COL5A2: variants seen among roughly 807,000 people sequenced by gnomAD.
COL5A2 encodes collagen alpha-2(V) chain.
COL5A2 carries 23 observed loss-of-function variants against 208.2 expected under a neutral mutation model. The observed-to-expected ratio is 0.11, with a 90% CI of 0.08 to 0.16. The LOEUF (loss-of-function observed/expected upper bound fraction) is 0.16. COL5A2 is among the 10% of genes least tolerant of loss of function. The pLI, the probability that COL5A2 is intolerant of heterozygous loss-of-function variation, is 1.00. For synonymous variants in COL5A2, 625 were observed against 628.5 expected, an observed-to-expected ratio of 0.99 and a Z score of 0.08; for missense variants, 1,590 against 1,956.4, an observed-to-expected ratio of 0.81 and a Z score of 3.53.
chr2:189,114,137 T>C (rs769158141), intron 1 of COL5A2, among the ~76,000 whole-genome samples: 11 of 152,190 alleles, frequency 7.2e-5, no homozygotes, highest in Non-Finnish European at 1.3e-4. Context: ...GGAAAGTTAG[T>C]TGGAATGCTT....
At chr2:189,282,155 C>G in the COL5A2 span, among the ~76,000 whole-genome samples, 1 of 152,066 alleles carries the variant, frequency 6.6e-6, no homozygotes, top group Non-Finnish European at 1.5e-5. Context: ...CACTGTACTC[C>G]AGCCTGGGCA....
At chr2:189,372,520 A>G in the COL5A2 span, among the ~76,000 whole-genome samples, 1 of 152,308 alleles carries the variant, frequency 6.6e-6, no homozygotes, top group Admixed American at 6.5e-5. Context: ...TACATATAAA[A>G]CATTAAAAAT....
chr2:189,233,935 G>A, the COL5A2 span, among the ~76,000 whole-genome samples: 1 of 151,638 alleles, frequency 6.6e-6, no homozygotes, highest in Non-Finnish European at 1.5e-5. Flanking sequence ...AAGTCAAGGA[G>A]CATATGCATT....
the COL5A2 span, among the ~76,000 whole-genome samples, chr2:189,272,078 T>A: frequency 6.6e-6 from 1 of 152,156 alleles, no homozygotes; most frequent in Non-Finnish European, 1.5e-5. Context: ...GTAAATTAGT[T>A]CAACCATTGT....
chr2:189,058,351 G>T, intron 33 of COL5A2, 78 bp downstream of exon 33: 2 of 1,093,500 alleles, frequency 1.8e-6, no homozygotes, highest in Non-Finnish European at 2.8e-6. Context: ...CAAGACAAAT[G>T]CATTCTCACA....
chr2:189,265,362 G>T, the COL5A2 span, among the ~76,000 whole-genome samples: 1 of 152,086 alleles, frequency 6.6e-6, no homozygotes, highest in African/African-American at 2.4e-5. Context: ...AGGGTCAAAG[G>T]AGCCCCCTTC....
At chr2:189,244,021 C>T in the COL5A2 span, among the ~76,000 whole-genome samples, 1 of 152,194 alleles carries the variant, frequency 6.6e-6, no homozygotes, top group Non-Finnish European at 1.5e-5. Flanking sequence ...CACCAAGTCC[C>T]TAGGCTGCAC....
chr2:189,067,021 T>C (rs1427064110), intron 21 of COL5A2, among the ~76,000 whole-genome samples: 1 of 152,202 alleles, frequency 6.6e-6, no homozygotes, highest in Non-Finnish European at 1.5e-5. Flanking sequence ...AGAGATTTAT[T>C]TTTAAAATCA....
At chr2:189,162,453 A>C (rs1688385875) in intron 1 of COL5A2, among the ~76,000 whole-genome samples, 1 of 152,224 alleles carries the variant, frequency 6.6e-6, no homozygotes, top group African/African-American at 2.4e-5. Flanking sequence ...AATCATCCAA[A>C]GCAAATTCTA....
the COL5A2 span, among the ~76,000 whole-genome samples, chr2:189,382,073 C>T: frequency 0.044 from 6,631 of 152,194 alleles, 177 homozygotes; most frequent in African/African-American, 0.064. Flanking sequence ...ATCCATTAAA[C>T]TTACAACTTG....
the COL5A2 span, among the ~76,000 whole-genome samples, chr2:189,371,818 T>C: frequency 6.6e-6 from 1 of 152,200 alleles, no homozygotes; most frequent in Non-Finnish European, 1.5e-5. Flanking sequence ...AGCCTGGCTA[T>C]GTGGCAGAAA....
At chr2:189,167,852 C>T (rs10497699) in intron 1 of COL5A2, among the ~76,000 whole-genome samples, 22,630 of 151,824 alleles carry the variant, frequency 0.15, 2,024 homozygotes, top group Non-Finnish European at 0.2. Context: ...CACTGTAGCA[C>T]CTTAAAGGCT....
At chr2:189,404,754 G>T in the COL5A2 span, among the ~76,000 whole-genome samples, 1 of 152,128 alleles carries the variant, frequency 6.6e-6, no homozygotes, top group African/African-American at 2.4e-5. Flanking sequence ...AAATTATACA[G>T]GACTCATACA....
At chr2:189,437,032 A>G in the COL5A2 span, among the ~76,000 whole-genome samples, 1 of 151,482 alleles carries the variant, frequency 6.6e-6, no homozygotes. Flanking sequence ...TTAAAAAAAA[A>G]GAGAGAGAGA....
intron 1 of COL5A2, among the ~76,000 whole-genome samples, chr2:189,128,224 C>T (rs1283414395): frequency 6.6e-6 from 1 of 151,932 alleles, no homozygotes; most frequent in Non-Finnish European, 1.5e-5. Flanking sequence ...TGTTTTGTGA[C>T]TTCTGCCAAT....
the COL5A2 span, among the ~76,000 whole-genome samples, chr2:189,339,779 A>G: frequency 6.6e-6 from 1 of 152,128 alleles, no homozygotes; most frequent in African/African-American, 2.4e-5. Flanking sequence ...CTGACATCTC[A>G]TTGTCCAGAT....
chr2:189,185,302 C>T (rs1049892567), intron 1 of COL5A2, among the ~76,000 whole-genome samples: 7 of 152,172 alleles, frequency 4.6e-5, no homozygotes, highest in African/African-American at 9.7e-5. Flanking sequence ...GGATTACAGG[C>T]GTGAGCCCAG....
At position 189,060,731 on chromosome 2, in the gene COL5A2, T is replaced by A; in HGVS notation, c.2084A>T (p.Gln695Leu). The change falls in exon 31 of 54, where the codon CAA (glutamine) becomes CTA (leucine). Residue 695 changes from glutamine to leucine, a missense_variant and splice_region_variant. Transcript: ENST00000374866. ...CATTATTATTATTTAAACACTTACT[T>A]GATCACCTGGTTTTCCACCTTCTCC... is the stretch of plus-strand genomic sequence containing the variant. ...PPGEGGKPGD[Q>L]GVPGDPGAVG... 1 of 1,612,606 alleles carries A rather than the reference T, an allele frequency of 6.2e-7. No individual in the cohort carries two copies. The highest frequency in any genetic ancestry group is 8.5e-7 in the Non-Finnish European group (1 of 1,178,688).
chr2:189,370,632 T>C, the COL5A2 span, among the ~76,000 whole-genome samples: 1 of 152,048 alleles, frequency 6.6e-6, no homozygotes, highest in African/African-American at 2.4e-5. Context: ...TCAACACCCA[T>C]ACAACATGCA....
Sources: allele counts gnomAD v4.1 joint callset (sites outside exome capture counted in the v4.1 genomes callset), GRCh38; gene constraint gnomAD v4.1.1; transcripts MANE v1.5; gene names NCBI Gene and HGNC (gene_info 2026-07-23, HGNC 2026-07-21).